DNAJC5B: variants seen among roughly 807,000 people sequenced by gnomAD.
DNAJC5B encodes the protein dnaJ homolog subfamily C member 5B.
A neutral mutation model predicts 24.7 loss-of-function variants in DNAJC5B; 23 were observed. That is an observed-to-expected ratio of 0.93 (90% confidence interval 0.67 to 1.32). DNAJC5B has a LOEUF of 1.32. Ranked by LOEUF, DNAJC5B falls within the 40% of genes most tolerant of loss-of-function variation. The pLI is 0.00. For missense variants in DNAJC5B, 238 were observed against 240.8 expected, an observed-to-expected ratio of 0.99 and a Z score of 0.08; for synonymous variants, 101 against 90.1, an observed-to-expected ratio of 1.12 and a Z score of -0.68.
intron 3 of DNAJC5B, among the ~76,000 whole-genome samples, chr8:66,064,154 T>C (rs1807140253): frequency 6.6e-6 from 1 of 152,154 alleles, no homozygotes; most frequent in South Asian, 2.1e-4. Flanking sequence ...GAAAAATAGG[T>C]CCTATTAGGT....
At chr8:66,099,818 A>T in intron 5 of DNAJC5B, 119 bp from the exon 6 acceptor site, 1 of 782,962 alleles carries the variant, frequency 1.3e-6, no homozygotes, top group East Asian at 2.7e-5. Context: ...GTATATTGAT[A>T]TCTTATGAAT....
At chr8:66,053,777 C>T (rs1416762514) in intron 3 of DNAJC5B, among the ~76,000 whole-genome samples, 1 of 152,018 alleles carries the variant, frequency 6.6e-6, no homozygotes, top group Non-Finnish European at 1.5e-5. Flanking sequence ...TTACAGGTGC[C>T]TGTCACCATG....
chr8:66,038,048 C>T (rs954939808), intron 1 of DNAJC5B, among the ~76,000 whole-genome samples: 2 of 152,184 alleles, frequency 1.3e-5, no homozygotes, highest in African/African-American at 4.8e-5. Flanking sequence ...CGAGGGGGTT[C>T]CCTTTGTCAT....
At chr8:66,043,359 T>C (rs926440298) in intron 1 of DNAJC5B, 129 bp from the exon 2 acceptor site, 2 of 152,184 alleles carry the variant, frequency 1.3e-5, no homozygotes, top group African/African-American at 2.4e-5. Flanking sequence ...TGGTGTTTGG[T>C]TGAACCAAGC....
chr8:66,052,567 C>T (rs758118371), intron 3 of DNAJC5B, among the ~76,000 whole-genome samples: 40 of 152,264 alleles, frequency 2.6e-4, no homozygotes, highest in Non-Finnish European at 4.7e-4. Context: ...AAAAAATCAT[C>T]TTCTTCTACA....
chr8:66,079,371 T>C (rs1807541200), intron 4 of DNAJC5B, among the ~76,000 whole-genome samples: 1 of 152,092 alleles, frequency 6.6e-6, no homozygotes, highest in South Asian at 2.1e-4. Flanking sequence ...GTTCTAAAAG[T>C]ATCACTTAAA....
At chr8:66,032,861 C>T (rs914617144) in intron 1 of DNAJC5B, among the ~76,000 whole-genome samples, 6 of 152,170 alleles carry the variant, frequency 3.9e-5, no homozygotes, top group African/African-American at 1.2e-4. Flanking sequence ...ACTATGAGCC[C>T]CTAAATAAAT....
intron 1 of DNAJC5B, among the ~76,000 whole-genome samples, chr8:66,041,177 T>C (rs1203617719): frequency 6.6e-6 from 1 of 152,230 alleles, no homozygotes; most frequent in African/African-American, 2.4e-5. Flanking sequence ...ATATATTGCA[T>C]ACTAATAACA....
At chr8:66,080,803 A>G (rs1807579846) in intron 5 of DNAJC5B, among the ~76,000 whole-genome samples, 1 of 152,226 alleles carries the variant, frequency 6.6e-6, no homozygotes, top group South Asian at 2.1e-4. Flanking sequence ...ATCAAAGGAA[A>G]TACAATTCAG....
At chr8:66,086,908 G>A (rs931201214) in intron 5 of DNAJC5B, among the ~76,000 whole-genome samples, 1 of 151,956 alleles carries the variant, frequency 6.6e-6, no homozygotes, top group African/African-American at 2.4e-5. Context: ...AACTGATATG[G>A]GGCAATCTTT....
At chr8:66,065,759 C>G (rs559208447) in intron 3 of DNAJC5B, among the ~76,000 whole-genome samples, 1 of 152,100 alleles carries the variant, frequency 6.6e-6, no homozygotes, top group African/African-American at 2.4e-5. Context: ...GAGAGGGGCC[C>G]TCATAGCATA....
chr8:66,048,368 T>G (rs559437168), intron 2 of DNAJC5B, among the ~76,000 whole-genome samples: 1 of 152,250 alleles, frequency 6.6e-6, no homozygotes, highest in Non-Finnish European at 1.5e-5. Context: ...CTGTCGCTAC[T>G]TTCTTCGTAG....
intron 3 of DNAJC5B, among the ~76,000 whole-genome samples, chr8:66,052,223 G>A (rs74622140): frequency 0.049 from 7,428 of 151,354 alleles, 280 homozygotes; most frequent in East Asian, 0.18. Context: ...CTCCCAAAGT[G>A]CTGGGATTAC....
At chr8:66,057,745 A>G (rs1806997038) in intron 3 of DNAJC5B, 1 of 152,252 alleles carries the variant, frequency 6.6e-6, no homozygotes, top group Non-Finnish European at 1.5e-5. Context: ...CTAAAGCAAC[A>G]GCAGCCTGAA....
At chr8:66,098,152 C>T (rs1807994491) in intron 5 of DNAJC5B, among the ~76,000 whole-genome samples, 1 of 151,400 alleles carries the variant, frequency 6.6e-6, no homozygotes, top group Non-Finnish European at 1.5e-5. Context: ...CTGCACCCAG[C>T]CCAAAATCTT....
rs900532528 is a variant in DNAJC5B at position 66,076,582 on chromosome 8, G to C, written c.120-78G>C. On this transcript the variant is annotated intron_variant, in intron 3 of 5. Coordinates refer to ENST00000276570, the MANE Select transcript of DNAJC5B (RefSeq NM_033105.6). ...TTGCGCTAATAAAGAATATACAAAT[G>C]AACAGTGCCCTTCTAAAACGCCATG... 12 of 1,456,602 alleles carry C rather than the reference G, an allele frequency of 8.2e-6. No individual in the cohort carries two copies. The African/African-American group carries it at 1.4e-4, about 17-fold the overall frequency. 90.2% of individuals were successfully genotyped at this position (1,456,602 alleles called of 1,614,324 possible). A position where few individuals can be genotyped will look rare whatever the true frequency, so the allele number is the denominator to read the frequency against.
intron 2 of DNAJC5B, among the ~76,000 whole-genome samples, chr8:66,047,303 G>T (rs962992941): frequency 6.6e-6 from 1 of 152,096 alleles, no homozygotes; most frequent in African/African-American, 2.4e-5. Context: ...ATTGGCCTCC[G>T]CATTTGTTTT....
At chr8:66,039,698 C>T (rs1207512765) in intron 1 of DNAJC5B, among the ~76,000 whole-genome samples, 2 of 152,280 alleles carry the variant, frequency 1.3e-5, no homozygotes, top group African/African-American at 2.4e-5. Context: ...TCAGTGTTAG[C>T]TACTATCACT....
chr8:66,061,615 G>A (rs1011105679), intron 3 of DNAJC5B, among the ~76,000 whole-genome samples: 1 of 150,368 alleles, frequency 6.7e-6, no homozygotes, highest in Non-Finnish European at 1.5e-5. Context: ...GAGAGAGTGT[G>A]TGTGTGTGTG....
Sources: gnomAD v4.1 joint callset for allele counts (sites outside exome capture counted in the v4.1 genomes callset) on GRCh38, gnomAD v4.1.1 for gene constraint, MANE v1.5 for transcripts, NCBI Gene and HGNC (gene_info 2026-07-23, HGNC 2026-07-21) for gene names.